SYNPR: variants seen among roughly 807,000 people sequenced by gnomAD.
SYNPR encodes synaptoporin.
A neutral mutation model predicts 32.9 loss-of-function variants in SYNPR; 23 were observed. The ratio of observed to expected loss-of-function variants is 0.70; its 90% confidence interval spans 0.50 to 0.99. The LOEUF (loss-of-function observed/expected upper bound fraction) is 0.99. Ranked by LOEUF, SYNPR falls within the 50% of genes least tolerant of loss-of-function variation. SYNPR has a pLI of 0.00. For synonymous variants in SYNPR, 146 were observed against 135.9 expected (o/e 1.07, Z -0.52); for missense variants, 318 against 349.3 (o/e 0.91, Z 0.71).
chr3:63,478,962 G>A (rs575259519), intron 2 of SYNPR, among the ~76,000 whole-genome samples: 3 of 152,056 alleles, frequency 2.0e-5, no homozygotes, highest in African/African-American at 7.2e-5. Context: ...AATACTAATT[G>A]CTTACAGGAA....
intron 1 of SYNPR, among the ~76,000 whole-genome samples, chr3:63,249,339 T>C (rs918932356): frequency 1.3e-5 from 2 of 152,152 alleles, no homozygotes; most frequent in Non-Finnish European, 1.5e-5. Flanking sequence ...AAGATTGCGA[T>C]AGTGTAGTCT....
chr3:63,345,396 C>A (rs2087424805), intron 2 of SYNPR, among the ~76,000 whole-genome samples: 4 of 152,208 alleles, frequency 2.6e-5, no homozygotes, highest in Admixed American at 2.6e-4. Context: ...CTCTGACCGT[C>A]ATAATTTTGC....
intron 3 of SYNPR, among the ~76,000 whole-genome samples, chr3:63,553,977 C>T (rs1048136154): frequency 1.3e-5 from 2 of 152,226 alleles, no homozygotes; most frequent in African/African-American, 4.8e-5. Flanking sequence ...CCGTCTTGGC[C>T]TCCCAAAGTG....
chr3:63,524,861 G>T (rs1701980532), intron 3 of SYNPR, among the ~76,000 whole-genome samples: 1 of 150,948 alleles, frequency 6.6e-6, no homozygotes, highest in Admixed American at 6.6e-5. Flanking sequence ...GCATGTGTGT[G>T]TGTGTGTGTG....
At chr3:63,598,769 T>C (rs150166653) in intron 4 of SYNPR, among the ~76,000 whole-genome samples, 40 of 152,218 alleles carry the variant, frequency 2.6e-4, no homozygotes, top group African/African-American at 9.4e-4. Flanking sequence ...CTTCACTCTA[T>C]GGGAATAAAT....
chr3:63,211,432 A>C, the SYNPR span, among the ~76,000 whole-genome samples: 1 of 152,188 alleles, frequency 6.6e-6, no homozygotes, highest in Non-Finnish European at 1.5e-5. Context: ...AAGAGCAAGG[A>C]GATTCAAGTT....
intron 2 of SYNPR, among the ~76,000 whole-genome samples, chr3:63,324,355 TA>T (rs61689379): frequency 0.3 from 44,937 of 151,912 alleles, 7,025 homozygotes; most frequent in South Asian, 0.45. Context: ...GATCAGACAA[TA>T]AAGAGCCTTG....
At chr3:63,389,205 T>C (rs771792385) in intron 2 of SYNPR, among the ~76,000 whole-genome samples, 1 of 152,086 alleles carries the variant, frequency 6.6e-6, no homozygotes, top group Non-Finnish European at 1.5e-5. Flanking sequence ...AACTTAAAAG[T>C]TGATAAAAAA....
intron 3 of SYNPR, among the ~76,000 whole-genome samples, chr3:63,518,374 T>C (rs1701837905): frequency 6.6e-6 from 1 of 152,086 alleles, no homozygotes; most frequent in Admixed American, 6.6e-5. Context: ...ACAGACATGC[T>C]TGACCCCTCA....
Position 63,515,036 on chromosome 3 carries a change from T to C in SYNPR, c.209+34080T>C, listed in dbSNP as rs372020668. Among the ~76,000 whole-genome samples, 13 of 152,292 alleles carry C rather than the reference T, an allele frequency of 8.5e-5. No homozygotes were observed. The East Asian group carries it at 1.2e-3, about 14-fold the overall frequency. On this transcript the variant is annotated intron_variant, in intron 3 of 5. Coordinates refer to ENST00000478300, the MANE Select transcript of SYNPR (RefSeq NM_001130003.2). ...CCAGGGTCATGGGAATTATAATACA[T>C]TGAAATATTTACAAAGCAATGTTCA... is the stretch of plus-strand genomic sequence containing the variant.
intron 2 of SYNPR, among the ~76,000 whole-genome samples, chr3:63,478,606 C>T (rs556456145): frequency 1.3e-5 from 2 of 152,290 alleles, no homozygotes; most frequent in South Asian, 4.1e-4. Context: ...GCCTATCACA[C>T]ACTTATGACT....
At chr3:63,432,769 C>T (rs919068852) in intron 2 of SYNPR, among the ~76,000 whole-genome samples, 10 of 152,200 alleles carry the variant, frequency 6.6e-5, no homozygotes, top group Non-Finnish European at 8.8e-5. Flanking sequence ...GACTCCCCTT[C>T]CTGCTCAGAG....
chr3:63,244,528 C>T (rs370151286), intron 1 of SYNPR, among the ~76,000 whole-genome samples: 2 of 152,090 alleles, frequency 1.3e-5, no homozygotes, highest in East Asian at 3.9e-4. Context: ...AATCCCTGCT[C>T]TATTCTTTAA....
chr3:63,201,328 G>A, the SYNPR span, among the ~76,000 whole-genome samples: 3 of 152,088 alleles, frequency 2.0e-5, no homozygotes, highest in South Asian at 6.2e-4. Flanking sequence ...GTCATTCTGG[G>A]CAAAGTCATC....
At chr3:63,585,452 C>CG (rs954315556) in intron 4 of SYNPR, among the ~76,000 whole-genome samples, 4 of 108,402 alleles carry the variant, frequency 3.7e-5, no homozygotes, top group Non-Finnish European at 7.9e-5. Context: ...TATCCATGCC[C>CG]CCCCCCTCCG....
chr3:63,420,031 T>C (rs2107130054), intron 2 of SYNPR, among the ~76,000 whole-genome samples: 1 of 152,292 alleles, frequency 6.6e-6, no homozygotes, highest in South Asian at 2.1e-4. Flanking sequence ...AAGATCTTTA[T>C]AGGAAACATA....
intron 4 of SYNPR, among the ~76,000 whole-genome samples, chr3:63,598,775 T>C (rs1699996887): frequency 6.6e-6 from 1 of 152,108 alleles, no homozygotes; most frequent in African/African-American, 2.4e-5. Flanking sequence ...TCTATGGGAA[T>C]AAATAACACA....
At chr3:63,485,867 A>T (rs1701138831) in intron 3 of SYNPR, among the ~76,000 whole-genome samples, 1 of 152,238 alleles carries the variant, frequency 6.6e-6, no homozygotes, top group Non-Finnish European at 1.5e-5. Flanking sequence ...ATAAAAAATA[A>T]AGTAGTTGCT....
intron 2 of SYNPR, among the ~76,000 whole-genome samples, chr3:63,448,612 C>CT (rs762557205): frequency 7.3e-5 from 11 of 151,702 alleles, no homozygotes; most frequent in Non-Finnish European, 1.6e-4. Context: ...AGAGGAAAAA[C>CT]ATTTTTTTTT....
Sources: gnomAD v4.1 joint callset for allele counts (sites outside exome capture counted in the v4.1 genomes callset) on GRCh38, gnomAD v4.1.1 for gene constraint, MANE v1.5 for transcripts, NCBI Gene and HGNC (gene_info 2026-07-23, HGNC 2026-07-21) for gene names.